The following NEK4 variants were observed in gnomAD, a reference collection of about 807,000 sequenced individuals.
NEK4 encodes NIMA related kinase 4, also known as serine/threonine-protein kinase Nek4.
NEK4 carries 86 observed loss-of-function variants against 98.4 expected under a neutral mutation model. The ratio of observed to expected loss-of-function variants is 0.87; its 90% confidence interval spans 0.73 to 1.05. The LOEUF (loss-of-function observed/expected upper bound fraction) is 1.05, where lower values mean the gene tolerates loss of function less well. NEK4 is among the 50% of genes least tolerant of loss of function. NEK4 has a pLI of 0.00. For synonymous variants in NEK4, 328 were observed against 342.2 expected (o/e 0.96, Z 0.46); for missense variants, 898 against 950.3 (o/e 0.94, Z 0.72).
chr3:52,738,467 T>C (rs921784115), intron 14 of NEK4, among the ~76,000 whole-genome samples: 1 of 151,898 alleles, frequency 6.6e-6, no homozygotes, highest in Admixed American at 6.6e-5. Flanking sequence ...ATCTGATTTT[T>C]TGAGACAGGA....
At chr3:52,738,671 A>C (rs2097380492) in intron 14 of NEK4, among the ~76,000 whole-genome samples, 1 of 151,922 alleles carries the variant, frequency 6.6e-6, no homozygotes, top group South Asian at 2.1e-4. Flanking sequence ...GGCTGGTCTC[A>C]AACTCTTGGA....
chr3:52,741,312 G>A, intron 13 of NEK4, 99 bp downstream of exon 13: 2 of 631,978 alleles, frequency 3.2e-6, no homozygotes, highest in South Asian at 4.1e-5. Flanking sequence ...AATTTTATCA[G>A]TGGGAATACT....
chr3:52,763,306 A>G (rs1287806746), intron 5 of NEK4, among the ~76,000 whole-genome samples, 164 bp downstream of exon 5: 1 of 152,204 alleles, frequency 6.6e-6, no homozygotes, highest in African/African-American at 2.4e-5. Context: ...CAGCCAAGAA[A>G]CCCTAAGAGG....
In NEK4 at chr3:52,746,819, G is replaced by T; in HGVS notation, c.1592C>A (p.Ser531Tyr). Residue 531 changes from serine (S) to tyrosine (Y), a missense_variant, in exon 9 of 16, where the codon TCC becomes TAC. Coordinates refer to ENST00000233027, the MANE Select transcript of NEK4 (RefSeq NM_003157.6). ...CTTTTGCCGTCGCTGTCGAGACAGG[G>T]AAGGTTCAGACCCAGAGTTGTGTGG... ...LQPHNSGSEP[S>Y]LSRQRRQKRR... The T allele has an allele frequency of 6.2e-7, 1 of 1,614,122 alleles. No individual in the cohort carries two copies. Among genetic ancestry groups the T allele is most frequent in the African/African-American group, 1.3e-5 (1 of 75,054 alleles).
chr3:52,741,268 C>CTT, intron 13 of NEK4, 143 bp downstream of exon 13: 1 of 406,180 alleles, frequency 2.5e-6, no homozygotes, highest in African/African-American at 2.2e-5. Flanking sequence ...AGAAGAGACA[C>CTT]TTTTAGCTCC....
Position 52,723,189 on chromosome 3 carries a change from C to T in NEK4, c.2434-11320G>A, listed in dbSNP as rs1348638164. Among the ~76,000 whole-genome samples the T allele has an allele frequency of 2.6e-5, 4 of 151,806 alleles. No homozygotes were observed. The East Asian group carries it at 7.7e-4, about 29-fold the overall frequency. Reference sequence around the variant, plus strand: ...CACTGCACTCCAGATAGAATGAGACCCTGTCTCAAAATAAAATAAAATGAT... The same window carrying T: ...CACTGCACTCCAGATAGAATGAGACTCTGTCTCAAAATAAAATAAAATGAT... On this transcript the variant is annotated intron_variant, in intron 15 of 15. Coordinates refer to ENST00000233027, the MANE Select transcript of NEK4 (RefSeq NM_003157.6).
intron 11 of NEK4, 87 bp from the exon 12 acceptor site, chr3:52,743,548 G>T (rs1470713934): frequency 3.2e-6 from 3 of 931,318 alleles, no homozygotes; most frequent in Non-Finnish European, 3.5e-6. Context: ...ACATACCCCA[G>T]CAGGAGCTAG....
intron 13 of NEK4, 72 bp downstream of exon 13, chr3:52,741,339 C>T (rs764299921): frequency 2.0e-5 from 18 of 885,912 alleles, no homozygotes; most frequent in Middle Eastern, 2.2e-4. Flanking sequence ...CTAAATACTA[C>T]TGAAAATGCA....
At chr3:52,732,704 T>G in intron 15 of NEK4, 1 of 306,048 alleles carries the variant, frequency 3.3e-6, no homozygotes, top group South Asian at 4.2e-5. Flanking sequence ...TACAGGAACC[T>G]GGTCTTTCTG....
Position 52,744,289 on chromosome 3 carries a change from G to A in NEK4, c.1844C>T (p.Ala615Val). Residue 615 changes from alanine (A) to valine (V), a missense_variant, in exon 11 of 16, where the codon GCC becomes GTC. Transcript: ENST00000233027. The stretch of plus-strand genomic sequence containing the variant: ...CTGCTTTAGTCGCCTCCTCTCTCTG[G>A]CTGATAATGGTCGATCCTTTAAAAG... ...MSSSKDRPLS[A>V]RERRRLKQSQ... The A allele has an allele frequency of 6.2e-7, 1 of 1,613,444 alleles. No individual in the cohort carries two copies. Among genetic ancestry groups the A allele is most frequent in the Non-Finnish European group, 8.5e-7 (1 of 1,179,440 alleles).
At chr3:52,746,971 T>C in intron 8 of NEK4, 67 bp from the exon 9 acceptor site, 1 of 1,283,546 alleles carries the variant, frequency 7.8e-7, no homozygotes, top group Non-Finnish European at 1.1e-6. Context: ...CCAAAGTAAG[T>C]TGTCCATAAA....
At chr3:52,770,615 GCCCGCC>G in intron 1 of NEK4, 33 bp downstream of exon 1, 1 of 1,427,174 alleles carries the variant, frequency 7.0e-7, no homozygotes, top group Non-Finnish European at 9.6e-7. Context: ...GCGCACTTCT[GCCCGCC>G]CCCGCCCCTT....
intron 15 of NEK4, among the ~76,000 whole-genome samples, chr3:52,728,908 C>T (rs1233021148): frequency 6.6e-6 from 1 of 152,114 alleles, no homozygotes; most frequent in East Asian, 1.9e-4. Context: ...GCAGTACCCT[C>T]AGGCTTGTTA....
chr3:52,720,137 G>A (rs1372514866), intron 15 of NEK4, among the ~76,000 whole-genome samples: 1 of 152,066 alleles, frequency 6.6e-6, no homozygotes, highest in Non-Finnish European at 1.5e-5. Context: ...ACAAAAATTA[G>A]CTGGGCGTGG....
At chr3:52,766,401 A>C in intron 2 of NEK4, 26 bp from the exon 3 acceptor site, 1 of 1,499,414 alleles carries the variant, frequency 6.7e-7, no homozygotes, top group African/African-American at 1.4e-5. Context: ...AGATTTTATT[A>C]CATATAAATA....
In NEK4 at chr3:52,768,214, C is replaced by G. The variant is rs887121392; in HGVS notation, c.360+124G>C. ...AGAAAGAGTGACTGGGTCAACTTCA[C>G]AAATGAATTTTCCAAAAAATACATT... On this transcript the variant is annotated intron_variant, in intron 2 of 15. Coordinates refer to ENST00000233027, the MANE Select transcript of NEK4 (RefSeq NM_003157.6). 3 of 843,970 alleles carry G rather than the reference C, an allele frequency of 3.6e-6. No homozygotes were observed. The Admixed American group carries it at 7.0e-5, about 20-fold the overall frequency. The allele number at this position is 843,970 out of a possible 1,614,324, so 52.3% of individuals were successfully genotyped here.
intron 15 of NEK4, among the ~76,000 whole-genome samples, chr3:52,721,202 T>G (rs1015890453): frequency 1.3e-5 from 2 of 152,156 alleles, no homozygotes; most frequent in Non-Finnish European, 2.9e-5. Flanking sequence ...AAGAAACCAG[T>G]CCTCCAAGTA....
At chr3:52,739,718 G>A (rs951864253) in intron 13 of NEK4, 84 bp from the exon 14 acceptor site, 23 of 1,170,066 alleles carry the variant, frequency 2.0e-5, no homozygotes, top group South Asian at 1.7e-4. Context: ...ACGACCTTTC[G>A]GGAATTATCC....
intron 1 of NEK4, 108 bp downstream of exon 1, chr3:52,770,546 C>G (rs1698739513): frequency 1.2e-6 from 1 of 801,012 alleles, no homozygotes; most frequent in Admixed American, 2.1e-5. Context: ...TGAGGAAACG[C>G]CATCCGAGAT....
Sources: gnomAD v4.1 joint callset for allele counts (sites outside exome capture counted in the v4.1 genomes callset) on GRCh38, gnomAD v4.1.1 for gene constraint, MANE v1.5 for transcripts, NCBI Gene and HGNC (gene_info 2026-07-23, HGNC 2026-07-21) for gene names.